The following DIAPH2 variants were observed in gnomAD, a reference collection of about 807,000 sequenced individuals.
DIAPH2 encodes protein diaphanous homolog 2.
Under a neutral mutation model 92.7 loss-of-function variants are expected in DIAPH2, and 35 were observed. That is an observed-to-expected ratio of 0.38 (90% CI 0.29 to 0.50). The LOEUF is 0.50. DIAPH2 is among the 20% of genes least tolerant of loss of function. DIAPH2 has a pLI of 0.94. For missense variants in DIAPH2, 701 were observed against 819.5 expected, an observed-to-expected ratio of 0.86 and a Z score of 1.77; for synonymous variants, 301 against 280.4, an observed-to-expected ratio of 1.07 and a Z score of -0.73.
At chrX:96,758,946 ATT>A (rs1376147995) in intron 4 of DIAPH2, among the ~76,000 whole-genome samples, 1 of 101,900 alleles carries the variant, frequency 9.8e-6, no homozygotes. Context: ...TTAAGCTTTG[ATT>A]TTTTTTTTTT....
intron 22 of DIAPH2, among the ~76,000 whole-genome samples, chrX:97,147,860 C>T (rs749279761): frequency 3.5e-4 from 39 of 111,744 alleles, no homozygotes; most frequent in African/African-American, 1.2e-3. Flanking sequence ...TGTTTATCCA[C>T]TCTGACTTTT....
At chrX:97,094,282 C>T (rs1474931212) in intron 19 of DIAPH2, among the ~76,000 whole-genome samples, 1 of 111,550 alleles carries the variant, frequency 9.0e-6, no homozygotes, top group Non-Finnish European at 1.9e-5. Flanking sequence ...AATGCGCCTT[C>T]TAGGGAACTG....
intron 23 of DIAPH2, among the ~76,000 whole-genome samples, chrX:97,330,722 A>G (rs1371517894): frequency 9.0e-6 from 1 of 111,102 alleles, no homozygotes; most frequent in Non-Finnish European, 1.9e-5. Context: ...CATGTTGGTC[A>G]GGATGGTCTT....
intron 17 of DIAPH2, among the ~76,000 whole-genome samples, chrX:97,023,560 T>C (rs2066312043): frequency 1.8e-5 from 2 of 111,944 alleles, no homozygotes; most frequent in Non-Finnish European, 3.8e-5. Context: ...GAGCTAGAGT[T>C]CATACCCACA....
At chrX:97,467,742 C>T (rs774727478) in intron 26 of DIAPH2, among the ~76,000 whole-genome samples, 2 of 112,232 alleles carry the variant, frequency 1.8e-5, no homozygotes, top group South Asian at 7.5e-4. Flanking sequence ...CAGAATTTAA[C>T]ACCTTTGCAA....
At chrX:96,806,556 G>A (rs1244533001) in intron 4 of DIAPH2, among the ~76,000 whole-genome samples, 5 of 94,921 alleles carry the variant, frequency 5.3e-5, no homozygotes, top group Non-Finnish European at 8.1e-5. Flanking sequence ...TGAGGCAGGA[G>A]AATCACTGAA....
At chrX:97,188,252 T>G (rs761485391) in intron 22 of DIAPH2, among the ~76,000 whole-genome samples, 1 of 111,723 alleles carries the variant, frequency 9.0e-6, no homozygotes, top group Non-Finnish European at 1.9e-5. Context: ...TTTAGAATAC[T>G]AGGGAGTAAA....
At chrX:96,948,051 T>C (rs748304318) in intron 14 of DIAPH2, among the ~76,000 whole-genome samples, 1 of 112,082 alleles carries the variant, frequency 8.9e-6, no homozygotes, top group African/African-American at 3.2e-5. Context: ...TGGTTAACCA[T>C]CTGAATGAGA....
intron 4 of DIAPH2, among the ~76,000 whole-genome samples, chrX:96,823,985 TAAAG>T (rs1044140392): frequency 9.2e-6 from 1 of 108,281 alleles, no homozygotes; most frequent in Admixed American, 1.0e-4. Context: ...AATATATATA[TAAAG>T]AAAGATGTAT....
chrX:97,280,534 T>A (rs959142628), intron 23 of DIAPH2, among the ~76,000 whole-genome samples: 2 of 111,433 alleles, frequency 1.8e-5, no homozygotes, highest in Non-Finnish European at 3.8e-5. Context: ...TGAACATTTT[T>A]AATAATCAGT....
intron 17 of DIAPH2, among the ~76,000 whole-genome samples, chrX:97,043,431 A>C (rs1344230518): frequency 9.0e-6 from 1 of 110,663 alleles, no homozygotes; most frequent in East Asian, 2.8e-4. Flanking sequence ...TTTTGTATTT[A>C]TATCCTGGGG....
chrX:97,352,409 T>C (rs1208886051), intron 24 of DIAPH2, among the ~76,000 whole-genome samples: 3 of 111,469 alleles, frequency 2.7e-5, no homozygotes, highest in African/African-American at 9.7e-5. Context: ...GGAAGACTTC[T>C]ATTAGTTAAT....
intron 17 of DIAPH2, among the ~76,000 whole-genome samples, chrX:97,044,744 C>T (rs1463207826): frequency 9.0e-6 from 1 of 111,070 alleles, no homozygotes; most frequent in Non-Finnish European, 1.9e-5. Flanking sequence ...CCACTCTCGA[C>T]CTCATAGCTC....
chrX:97,345,385 A>G (rs889842611), intron 23 of DIAPH2, among the ~76,000 whole-genome samples: 8 of 111,924 alleles, frequency 7.1e-5, no homozygotes, highest in African/African-American at 2.6e-4. Flanking sequence ...GGTGTATTCC[A>G]TAAGTGTCAG....
At chrX:97,291,071 A>T (rs1447680575) in intron 23 of DIAPH2, among the ~76,000 whole-genome samples, 1 of 107,391 alleles carries the variant, frequency 9.3e-6, no homozygotes, top group Non-Finnish European at 1.9e-5. Flanking sequence ...AGCCTGGGTA[A>T]CAGAGCCAGG....
chrX:96,866,041 C>T (rs2065102783), intron 4 of DIAPH2, among the ~76,000 whole-genome samples: 1 of 111,896 alleles, frequency 8.9e-6, no homozygotes, highest in African/African-American at 3.2e-5. Context: ...TTCATGACTC[C>T]AAAATTAGTT....
chrX:96,989,749 C>A (rs1422403263), intron 17 of DIAPH2, among the ~76,000 whole-genome samples: 1 of 110,998 alleles, frequency 9.0e-6, no homozygotes, highest in Non-Finnish European at 1.9e-5. Flanking sequence ...TTTTGGAGGG[C>A]CCCTGGGAAG....
chrX:97,274,754 A>G (rs1449739775), intron 23 of DIAPH2, among the ~76,000 whole-genome samples: 2 of 109,791 alleles, frequency 1.8e-5, no homozygotes, highest in South Asian at 4.0e-4. Context: ...CAAGTGAACA[A>G]AAGTCTCTGG....
At position 97,599,714 on chromosome X, in the gene DIAPH2, T is replaced by G; in HGVS notation, c.*397T>G. ...AAGAGAAGAAAAAGAATAGAAAGAA[T>G]TATCCAGTGTCAGCTTCCAATCCCT... On this transcript the variant is annotated 3_prime_UTR_variant, in exon 27 of 27. Coordinates refer to ENST00000324765, the MANE Select transcript of DIAPH2 (RefSeq NM_006729.5). 8.0e-6 allele frequency: 1 copy of G among 125,786 alleles called. No homozygotes were observed. Among genetic ancestry groups the G allele is most frequent in the South Asian group, 2.7e-4 (1 of 3,757 alleles). The allele number at this position is 125,786 out of a possible 1,213,427, so 10.4% of individuals were successfully genotyped here.
Sources: gnomAD v4.1 joint callset for allele counts (sites outside exome capture counted in the v4.1 genomes callset) on GRCh38, gnomAD v4.1.1 for gene constraint, MANE v1.5 for transcripts, NCBI Gene and HGNC (gene_info 2026-07-23, HGNC 2026-07-21) for gene names.